NEBL: variants seen among roughly 807,000 people sequenced by gnomAD.
The protein encoded by NEBL is nebulette.
Under a neutral mutation model 140.2 loss-of-function variants are expected in NEBL, and 122 were observed. The ratio of observed to expected loss-of-function variants is 0.87; its 90% CI spans 0.75 to 1.01. NEBL has a LOEUF of 1.01. Ranked by LOEUF, NEBL falls within the 50% of genes least tolerant of loss-of-function variation. The pLI, the probability that NEBL is intolerant of heterozygous loss-of-function variation, is 0.00. For missense variants in NEBL, 1,365 were observed against 1,231.3 expected (o/e 1.11, Z -1.62); for synonymous variants, 436 against 398.9 (o/e 1.09, Z -1.11).
At chr10:20,950,581 G>T (rs73607557) in intron 4 of NEBL, among the ~76,000 whole-genome samples, 1 of 152,040 alleles carries the variant, frequency 6.6e-6, no homozygotes, top group Admixed American at 6.6e-5. Context: ...AAATCCACAC[G>T]GCCTGATGCA....
chr10:20,924,451 C>G (rs1833773374), intron 4 of NEBL, among the ~76,000 whole-genome samples: 1 of 141,090 alleles, frequency 7.1e-6, no homozygotes, highest in Non-Finnish European at 1.5e-5. Context: ...CTACACCTTT[C>G]CTTTGCTTTG....
intron 4 of NEBL, among the ~76,000 whole-genome samples, chr10:20,930,088 T>C (rs1167734619): frequency 1.3e-5 from 2 of 152,116 alleles, no homozygotes; most frequent in African/African-American, 4.8e-5. Context: ...CCTTCTCCCC[T>C]GAGTTTCACA....
At chr10:20,793,248 G>T in intron 26 of NEBL, 1 of 692,404 alleles carries the variant, frequency 1.4e-6, no homozygotes, top group Non-Finnish European at 1.8e-6. Context: ...AAACCACCAA[G>T]TTTTAAAGAC....
At chr10:20,807,094 G>A (rs987263154) in intron 26 of NEBL, among the ~76,000 whole-genome samples, 1 of 152,208 alleles carries the variant, frequency 6.6e-6, no homozygotes, top group African/African-American at 2.4e-5. Context: ...GGAGGCTGAG[G>A]TGGGTGGATC....
At chr10:21,111,663 TC>T (rs958159460) in intron 2 of NEBL, among the ~76,000 whole-genome samples, 4 of 150,202 alleles carry the variant, frequency 2.7e-5, no homozygotes, top group Non-Finnish European at 4.4e-5. Flanking sequence ...GCAATACCAT[TC>T]AGGACATAGG....
intron 12 of NEBL, among the ~76,000 whole-genome samples, chr10:20,841,937 C>T (rs986232775): frequency 1.1e-4 from 16 of 152,042 alleles, no homozygotes; most frequent in African/African-American, 4.8e-5. Context: ...GATCCAAATG[C>T]CTTCTATGAA....
intron 2 of NEBL, among the ~76,000 whole-genome samples, chr10:21,026,235 T>C (rs1839024062): frequency 6.6e-6 from 1 of 152,206 alleles, no homozygotes; most frequent in African/African-American, 2.4e-5. Flanking sequence ...GAGACATTTC[T>C]GGTTGTCTCA....
intron 4 of NEBL, among the ~76,000 whole-genome samples, chr10:20,920,100 A>G (rs1833509603): frequency 6.6e-6 from 1 of 152,216 alleles, no homozygotes; most frequent in South Asian, 2.1e-4. Context: ...TTAAAAGAAC[A>G]TGACATTTTA....
At chr10:20,839,210 C>T (rs1040935664) in intron 13 of NEBL, among the ~76,000 whole-genome samples, 7 of 152,150 alleles carry the variant, frequency 4.6e-5, no homozygotes, top group Admixed American at 6.5e-5. Context: ...GCCATCCTGC[C>T]ATTCAACTGC....
intron 5 of NEBL, among the ~76,000 whole-genome samples, chr10:20,876,360 T>C (rs1206467371): frequency 6.6e-6 from 1 of 152,196 alleles, no homozygotes; most frequent in Non-Finnish European, 1.5e-5. Flanking sequence ...TATTACTAAC[T>C]ATTCTGTCTT....
intron 1 of NEBL, among the ~76,000 whole-genome samples, chr10:21,268,002 C>T (rs185468870): frequency 2.6e-5 from 4 of 152,274 alleles, no homozygotes; most frequent in Admixed American, 6.5e-5. Context: ...TACCTTCGGA[C>T]TGTGTGCAAC....
intron 3 of NEBL, among the ~76,000 whole-genome samples, chr10:20,980,245 G>A (rs1217013437): frequency 6.6e-6 from 1 of 151,952 alleles, no homozygotes; most frequent in Admixed American, 6.6e-5. Context: ...CAGTGAATGG[G>A]CTAAGCCATA....
At chr10:21,094,285 G>T (rs1359261087) in intron 2 of NEBL, among the ~76,000 whole-genome samples, 1 of 152,064 alleles carries the variant, frequency 6.6e-6, no homozygotes, top group East Asian at 2.0e-4. Flanking sequence ...GGCGGATCAC[G>T]AGGTCAGGAG....
At chr10:21,201,584 T>C (rs1050278868) in intron 3 of NEBL, among the ~76,000 whole-genome samples, 3 of 151,916 alleles carry the variant, frequency 2.0e-5, no homozygotes, top group South Asian at 2.1e-4. Context: ...ATGTATTTTT[T>C]AAAAAGATAA....
At chr10:21,184,518 A>T (rs1263553158) in intron 3 of NEBL, among the ~76,000 whole-genome samples, 1 of 152,212 alleles carries the variant, frequency 6.6e-6, no homozygotes, top group Non-Finnish European at 1.5e-5. Context: ...AGTAATATTA[A>T]TTAAGTGAAA....
chr10:20,812,984 C>A (rs1468887582), intron 23 of NEBL, 44 bp from the exon 24 acceptor site: 43 of 1,511,480 alleles, frequency 2.8e-5, no homozygotes, highest in Non-Finnish European at 3.9e-5. Flanking sequence ...CGGATAGTTA[C>A]CTCTTTCACA....
chr10:21,283,483 T>C (rs543077613), intron 1 of NEBL, among the ~76,000 whole-genome samples: 3 of 152,288 alleles, frequency 2.0e-5, no homozygotes, highest in Non-Finnish European at 4.4e-5. Flanking sequence ...CCTGAATTAT[T>C]TGTTGCGTGA....
chr10:21,057,395 C>G (rs572594486), intron 2 of NEBL, among the ~76,000 whole-genome samples: 2 of 151,778 alleles, frequency 1.3e-5, no homozygotes, highest in Admixed American at 6.6e-5. Flanking sequence ...TTGCACATAT[C>G]AAAGAAACAC....
At chr10:21,131,129 T>A (rs1167820446) in intron 2 of NEBL, among the ~76,000 whole-genome samples, 1 of 152,212 alleles carries the variant, frequency 6.6e-6, no homozygotes, top group African/African-American at 2.4e-5. Context: ...CTCACACATT[T>A]ATTAACCAAG....
Sources: gnomAD v4.1 joint callset for allele counts (sites outside exome capture counted in the v4.1 genomes callset) on GRCh38, gnomAD v4.1.1 for gene constraint, MANE v1.5 for transcripts, NCBI Gene and HGNC (gene_info 2026-07-23, HGNC 2026-07-21) for gene names.